ROBO2: variants seen among roughly 807,000 people sequenced by gnomAD.
The protein encoded by ROBO2 is roundabout guidance receptor 2.
In ROBO2, 53 loss-of-function variants were observed where a neutral mutation model predicts 160.8. That is an observed-to-expected ratio of 0.33 (90% CI 0.26 to 0.41). The LOEUF (loss-of-function observed/expected upper bound fraction) is 0.41, where lower values mean the gene tolerates loss of function less well. ROBO2 is among the 10% of genes least tolerant of loss of function. ROBO2 has a pLI of 1.00. For synonymous variants in ROBO2, 664 were observed against 611.7 expected (o/e 1.09, Z -1.26); for missense variants, 1,577 against 1,722.4 (o/e 0.92, Z 1.49).
At chr3:76,028,825 A>C (rs1212943599) in intron 2 of ROBO2, among the ~76,000 whole-genome samples, 4 of 151,972 alleles carry the variant, frequency 2.6e-5, no homozygotes, top group African/African-American at 9.7e-5. Context: ...GATTATTAAA[A>C]ATTTTTACAT....
chr3:76,193,965 TTAAA>T (rs1326253259), intron 2 of ROBO2, among the ~76,000 whole-genome samples: 1 of 152,074 alleles, frequency 6.6e-6, no homozygotes, highest in Non-Finnish European at 1.5e-5. Flanking sequence ...TTCAGGCAAG[TTAAA>T]TAAACAGTTC....
intron 2 of ROBO2, among the ~76,000 whole-genome samples, chr3:76,408,471 T>A (rs2075325637): frequency 6.6e-6 from 1 of 152,156 alleles, no homozygotes; most frequent in Non-Finnish European, 1.5e-5. Flanking sequence ...AAAATCACTT[T>A]AATTTAGCTT....
intron 2 of ROBO2, among the ~76,000 whole-genome samples, chr3:76,494,385 A>G (rs2080019564): frequency 6.6e-6 from 1 of 152,188 alleles, no homozygotes; most frequent in African/African-American, 2.4e-5. Flanking sequence ...AGAAATGAAG[A>G]TGGAAAAGAG....
intron 2 of ROBO2, among the ~76,000 whole-genome samples, chr3:76,070,364 A>G (rs1221143477): frequency 6.6e-6 from 1 of 152,128 alleles, no homozygotes; most frequent in African/African-American, 2.4e-5. Context: ...CTTATGTTCG[A>G]CATTGCAGAG....
intron 2 of ROBO2, among the ~76,000 whole-genome samples, chr3:77,184,004 C>A (rs1304668414): frequency 6.6e-6 from 1 of 151,496 alleles, no homozygotes; most frequent in African/African-American, 2.4e-5. Context: ...CCCTTCTGAT[C>A]CTGGACATCA....
intron 2 of ROBO2, among the ~76,000 whole-genome samples, chr3:76,416,984 A>G (rs2075783394): frequency 6.6e-6 from 1 of 152,228 alleles, no homozygotes; most frequent in African/African-American, 2.4e-5. Context: ...TGTTATAAGC[A>G]TGTTATTAAA....
chr3:77,082,173 A>T (rs1423824150), intron 1 of ROBO2, among the ~76,000 whole-genome samples: 1 of 152,250 alleles, frequency 6.6e-6, no homozygotes, highest in African/African-American at 2.4e-5. Flanking sequence ...TATAAAGCAT[A>T]GAGCAGAATC....
At chr3:77,580,140 C>G (rs1458036355) in intron 16 of ROBO2, 22 bp downstream of exon 17, 2 of 1,612,410 alleles carry the variant, frequency 1.2e-6, no homozygotes, top group South Asian at 2.2e-5. Flanking sequence ...ACTATGTGGT[C>G]TGTGCTTTAG....
chr3:77,143,635 T>C (rs1233519742), intron 2 of ROBO2, among the ~76,000 whole-genome samples: 1 of 152,198 alleles, frequency 6.6e-6, no homozygotes, highest in African/African-American at 2.4e-5. Flanking sequence ...TTTAGCTGTG[T>C]TTAATACTTA....
At chr3:76,073,321 T>G in intron 2 of ROBO2, among the ~76,000 whole-genome samples, 2 of 108,290 alleles carry the variant, frequency 1.8e-5, no homozygotes, top group African/African-American at 7.4e-5. Context: ...TGAGACGGAG[T>G]CTCGCTCTGT....
chr3:76,726,610 T>G (rs570365871), intron 2 of ROBO2, among the ~76,000 whole-genome samples: 28 of 152,350 alleles, frequency 1.8e-4, no homozygotes, highest in African/African-American at 6.3e-4. Context: ...GGTTTCTGCA[T>G]CTGCTTCGTA....
At chr3:76,141,169 A>C (rs1187234266) in intron 2 of ROBO2, among the ~76,000 whole-genome samples, 13 of 98,378 alleles carry the variant, frequency 1.3e-4, no homozygotes, top group Non-Finnish European at 2.3e-4. Context: ...CTATATATAT[A>C]TATATATATA....
At chr3:76,009,120 T>TG (rs1298419297) in intron 2 of ROBO2, among the ~76,000 whole-genome samples, 1 of 152,180 alleles carries the variant, frequency 6.6e-6, no homozygotes, top group East Asian at 1.9e-4. Flanking sequence ...TTTTTGTTTT[T>TG]GAGACTGAGT....
chr3:77,356,460 C>T (rs898487842), intron 2 of ROBO2, among the ~76,000 whole-genome samples: 3 of 152,080 alleles, frequency 2.0e-5, no homozygotes, highest in African/African-American at 7.2e-5. Flanking sequence ...AGGTTAATAG[C>T]AGTTCATATT....
chr3:76,532,704 T>C (rs773499041), intron 2 of ROBO2, among the ~76,000 whole-genome samples: 6 of 152,148 alleles, frequency 3.9e-5, no homozygotes, highest in Non-Finnish European at 7.4e-5. Flanking sequence ...CATTAAAAGA[T>C]GCATGTTCTA....
intron 2 of ROBO2, among the ~76,000 whole-genome samples, chr3:76,090,963 T>G (rs1207672006): frequency 1.3e-5 from 2 of 152,192 alleles, no homozygotes; most frequent in African/African-American, 4.8e-5. Context: ...CAAAATGGAC[T>G]ATCAATCTAG....
intron 2 of ROBO2, among the ~76,000 whole-genome samples, chr3:76,584,609 A>G (rs1201022111): frequency 1.3e-5 from 2 of 152,178 alleles, no homozygotes; most frequent in Non-Finnish European, 2.9e-5. Context: ...AGAAGGGACC[A>G]ACGCAGCTGA....
chr3:76,824,749 A>C (rs2066418727), intron 2 of ROBO2, among the ~76,000 whole-genome samples: 1 of 152,180 alleles, frequency 6.6e-6, no homozygotes, highest in Non-Finnish European at 1.5e-5. Flanking sequence ...GAGAGCAGTT[A>C]CTGCTTCCGA....
chr3:75,927,585 C>A (rs1387766091), intron 1 of ROBO2, among the ~76,000 whole-genome samples: 6 of 152,194 alleles, frequency 3.9e-5, no homozygotes, highest in Non-Finnish European at 8.8e-5. Flanking sequence ...CACAAGCTAA[C>A]ACGAGCAGGT....
Sources: gnomAD v4.1 joint callset for allele counts (sites outside exome capture counted in the v4.1 genomes callset) on GRCh38, gnomAD v4.1.1 for gene constraint, MANE v1.5 for transcripts, NCBI Gene and HGNC (gene_info 2026-07-23, HGNC 2026-07-21) for gene names.